The following SPG7 variants were observed in gnomAD, a reference collection of about 807,000 sequenced individuals.
The protein encoded by SPG7 is mitochondrial inner membrane m-AAA protease component paraplegin.
A neutral mutation model predicts 81.9 loss-of-function variants in SPG7; 103 were observed. The ratio of observed to expected loss-of-function variants is 1.26; its 90% CI spans 1.07 to 1.48. The LOEUF (loss-of-function observed/expected upper bound fraction) is 1.48, where lower values mean the gene tolerates loss of function less well. Among genes scored for constraint, SPG7 ranks in the 40% most tolerant of loss-of-function variants. The pLI, the probability that SPG7 is intolerant of heterozygous loss-of-function variation, is 0.00. For synonymous variants in SPG7, 534 were observed against 444.2 expected (o/e 1.20, Z -2.54); for missense variants, 1,241 against 1,087.3 (o/e 1.14, Z -1.99).
At chr16:89,528,017 T>G (rs1241450921) in intron 5 of SPG7, among the ~76,000 whole-genome samples, 1 of 152,078 alleles carries the variant, frequency 6.6e-6, no homozygotes, top group African/African-American at 2.4e-5. Context: ...TCTCATGTCT[T>G]TGTAGGCCAG....
intron 3 of SPG7, among the ~76,000 whole-genome samples, chr16:89,516,246 C>A (rs942559610): frequency 2.6e-5 from 4 of 151,638 alleles, no homozygotes; most frequent in African/African-American, 9.7e-5. Context: ...CCTTGGTCTC[C>A]GAAAGTGCTG....
intron 8 of SPG7, 37 bp from the exon 9 acceptor site, chr16:89,532,426 A>T (rs1447265434): frequency 1.2e-6 from 2 of 1,611,274 alleles, no homozygotes. Flanking sequence ...GTTTTTTATT[A>T]ACTGCCCATT....
intron 2 of SPG7, among the ~76,000 whole-genome samples, chr16:89,512,706 G>A (rs2058038358): frequency 6.6e-6 from 1 of 152,154 alleles, no homozygotes; most frequent in South Asian, 2.1e-4. Context: ...CCTCACATTA[G>A]CAATTTAAGT....
At chr16:89,536,529 C>T (rs970570922) in intron 9 of SPG7, among the ~76,000 whole-genome samples, 3 of 101,614 alleles carry the variant, frequency 3.0e-5, no homozygotes, top group Admixed American at 1.0e-4. Context: ...TCAGGTGAGG[C>T]GGGTGAGGTC....
Position 89,544,707 on chromosome 16 carries a change from G to A in SPG7, c.1384G>A (p.Asp462Asn), listed in dbSNP as rs1348033156. Reference sequence around the variant, plus strand: ...GTCCACGAACCGAGCTGACATTTTGGACGGTGCTCTGATGAGGCCAGGCCG... The same window carrying A: ...GTCCACGAACCGAGCTGACATTTTGAACGGTGCTCTGATGAGGCCAGGCCG... ...LASTNRADIL[D>N]GALMRPGRLD... is the part of the protein sequence containing the mutation. The change falls in exon 10 of 17, where the codon GAC (aspartate) becomes AAC (asparagine). Residue 462 changes from aspartate (D) to asparagine (N), a missense_variant. Asp to Asn is a conservative substitution (Grantham distance 23). Transcript: ENST00000645818. The A allele has an allele frequency of 6.2e-7, 1 of 1,614,148 alleles. No individual in the cohort carries two copies. Among genetic ancestry groups the A allele is most frequent in the Non-Finnish European group, 8.5e-7 (1 of 1,179,986 alleles).
At chr16:89,550,055 A>G in intron 12 of SPG7, 1 of 287,666 alleles carries the variant, frequency 3.5e-6, no homozygotes, top group Non-Finnish European at 6.8e-6. Flanking sequence ...GGGTGTCCAG[A>G]GCCGCAGCTG....
At chr16:89,545,938 A>G (rs2058558208) in intron 10 of SPG7, 1 of 450,344 alleles carries the variant, frequency 2.2e-6, no homozygotes, top group East Asian at 7.1e-5. Flanking sequence ...CTGCGGCCTC[A>G]ACCTTCAGGG....
chr16:89,514,174 G>GT (rs1281497019), intron 3 of SPG7, among the ~76,000 whole-genome samples: 2 of 152,110 alleles, frequency 1.3e-5, no homozygotes, highest in Admixed American at 6.6e-5. Flanking sequence ...TGGTTTTACG[G>GT]TAAGTGTCAA....
Position 89,556,916 on chromosome 16 carries a change from G to A in SPG7, c.2211G>A (p.Val737=), listed in dbSNP as rs762674074. 5 of 1,613,930 alleles carry A rather than the reference G, an allele frequency of 3.1e-6. No individual in the cohort carries two copies. In the African/African-American group the frequency reaches 5.3e-5, roughly 17 times the overall value. The part of the protein sequence containing the change: ...ALANALLEKE[V]INYEDIEALI... ...CAAACGCCCTTCTGGAAAAGGAAGT[G>A]ATAAACTATGAGGACATTGAGGCTC... Residue 737 remains valine (V), a synonymous_variant, in exon 17 of 17, where the codon GTG becomes GTA. Coordinates refer to ENST00000645818, the MANE Select transcript of SPG7 (RefSeq NM_003119.4).
intron 12 of SPG7, chr16:89,550,059 G>A (rs144547547): frequency 4.6e-5 from 13 of 284,208 alleles, no homozygotes; most frequent in Admixed American, 3.3e-4. Context: ...GTCCAGAGCC[G>A]CAGCTGCAGC....
intron 2 of SPG7, among the ~76,000 whole-genome samples, chr16:89,511,917 T>G (rs201641477): frequency 1.1e-5 from 1 of 93,758 alleles, no homozygotes; most frequent in Non-Finnish European, 2.4e-5. Flanking sequence ...TTGTTGTTTA[T>G]TATTATTTTT....
At chr16:89,546,595 T>G in intron 10 of SPG7, 63 bp from the exon 11 acceptor site, 1 of 1,032,304 alleles carries the variant, frequency 9.7e-7, no homozygotes, top group Non-Finnish European at 1.5e-6. Flanking sequence ...CAGACAAACA[T>G]GCCGCACCTG....
At chr16:89,532,399 G>A (rs1304210477) in intron 8 of SPG7, 64 bp from the exon 9 acceptor site, 2 of 1,574,026 alleles carry the variant, frequency 1.3e-6, no homozygotes, top group South Asian at 2.2e-5. Context: ...TCTGGCCCGG[G>A]TACAGGAAGA....
Position 89,508,533 on chromosome 16 carries a change from G to C in SPG7, c.116G>C (p.Arg39Thr), listed in dbSNP as rs1037021387. Residue 39 changes from arginine (R) to threonine (T), a missense_variant, in exon 1 of 17, where the codon AGG becomes ACG. Arg to Thr is a moderately conservative substitution (Grantham distance 71, BLOSUM62 -1). Coordinates refer to ENST00000645818, the MANE Select transcript of SPG7 (RefSeq NM_003119.4). ...WSPGFPARPG[R>T]GRPYMASRPP... is the part of the protein sequence containing the mutation. ...CCAGGGTTCCCCGCCAGGCCCGGGA[G>C]GGGGCGGCCGTACATGGCCAGCAGG... 7 of 1,512,474 alleles carry C rather than the reference G, an allele frequency of 4.6e-6. No homozygotes were observed. In the African/African-American group the frequency reaches 8.7e-5, roughly 19 times the overall value. The allele number at this position is 1,512,474 out of a possible 1,614,324, so 93.7% of individuals were successfully genotyped here. A position where few individuals can be genotyped will look rare whatever the true frequency, so the allele number is the denominator to read the frequency against.
intron 3 of SPG7, 91 bp from the exon 4 acceptor site, chr16:89,523,915 T>A (rs1178870564): frequency 6.5e-7 from 1 of 1,540,778 alleles, no homozygotes; most frequent in Non-Finnish European, 8.8e-7. Flanking sequence ...CCCCTCCCCG[T>A]CCAGCTGAGC....
intron 6 of SPG7, 119 bp from the exon 7 acceptor site, chr16:89,530,564 G>C: frequency 8.8e-7 from 1 of 1,130,170 alleles, no homozygotes; most frequent in Non-Finnish European, 1.3e-6. Flanking sequence ...GTGAAGCCTT[G>C]GGATCCTAGG....
intron 1 of SPG7, 67 bp downstream of exon 1, chr16:89,508,667 G>A (rs1228370797): frequency 7.1e-7 from 1 of 1,405,660 alleles, no homozygotes; most frequent in Non-Finnish European, 9.3e-7. Context: ...CAGCCCGGCG[G>A]GGCGGGTCGG....
chr16:89,554,030 A>T (rs935741905), intron 15 of SPG7, 70 bp downstream of exon 15: 1 of 1,558,738 alleles, frequency 6.4e-7, no homozygotes, highest in African/African-American at 1.4e-5. Context: ...TCTACCACAC[A>T]AGGGTCGCCC....
intron 7 of SPG7, chr16:89,531,156 C>G: frequency 2.5e-6 from 1 of 402,040 alleles, no homozygotes. Flanking sequence ...ACGTGCGTCA[C>G]TTACACGTTT....
Sources: allele counts gnomAD v4.1 joint callset (sites outside exome capture counted in the v4.1 genomes callset), GRCh38; gene constraint gnomAD v4.1.1; transcripts MANE v1.5; gene names NCBI Gene and HGNC (gene_info 2026-07-23, HGNC 2026-07-21).